VPS35L: variants seen among roughly 807,000 people sequenced by gnomAD.
VPS35L encodes the protein VPS35 endosomal protein sorting factor like, also known as VPS35 endosomal protein-sorting factor-like.
Under a neutral mutation model 133.0 loss-of-function variants are expected in VPS35L, and 83 were observed. That is an observed-to-expected ratio of 0.62 (90% confidence interval 0.52 to 0.75). The LOEUF (loss-of-function observed/expected upper bound fraction) is 0.75, where lower values mean the gene tolerates loss of function less well. VPS35L is among the 30% of genes least tolerant of loss of function. VPS35L has a pLI of 0.00. For synonymous variants in VPS35L, 423 were observed against 449.9 expected (o/e 0.94, Z 0.76); for missense variants, 1,083 against 1,206.8 (o/e 0.90, Z 1.52).
At chr16:19,654,888 A>G (rs541921104) in intron 26 of VPS35L, among the ~76,000 whole-genome samples, 1 of 152,312 alleles carries the variant, frequency 6.6e-6, no homozygotes, top group South Asian at 2.1e-4. Flanking sequence ...ATGGATCTGA[A>G]TGTTGTGGAT....
intron 15 of VPS35L, 81 bp from the exon 16 acceptor site, chr16:19,627,613 T>G (rs1260178937): frequency 1.4e-5 from 16 of 1,132,462 alleles, no homozygotes; most frequent in Non-Finnish European, 2.0e-5. Context: ...TTAGTCTTCC[T>G]TCCTGGCAAT....
chr16:19,659,257 C>A (rs902342141), intron 26 of VPS35L, among the ~76,000 whole-genome samples: 1 of 152,158 alleles, frequency 6.6e-6, no homozygotes, highest in African/African-American at 2.4e-5. Flanking sequence ...GGTATGTCAT[C>A]CTGTAGTATC....
intron 5 of VPS35L, among the ~76,000 whole-genome samples, chr16:19,575,993 TAA>T (rs768432545): frequency 7.2e-5 from 6 of 82,924 alleles, no homozygotes; most frequent in Non-Finnish European, 9.6e-5. Context: ...CCATCTCTAC[TAA>T]AAAAAAAAAA....
intron 8 of VPS35L, among the ~76,000 whole-genome samples, chr16:19,592,689 A>AT (rs770439941): frequency 0.025 from 3,471 of 138,264 alleles, 108 homozygotes; most frequent in African/African-American, 0.07. Context: ...CACTGTTAAA[A>AT]TTTTTTTTTT....
intron 9 of VPS35L, among the ~76,000 whole-genome samples, chr16:19,606,101 C>T (rs1051618960): frequency 1.3e-5 from 2 of 152,194 alleles, no homozygotes; most frequent in Admixed American, 1.3e-4. Context: ...TGCAGATTGT[C>T]GTATAGCTTG....
At chr16:19,686,085 TTTC>T (rs1298963573) in intron 28 of VPS35L, among the ~76,000 whole-genome samples, 5 of 152,162 alleles carry the variant, frequency 3.3e-5, no homozygotes, top group African/African-American at 9.7e-5. Context: ...GGATTTTCTT[TTTC>T]TTCTTCTTAG....
intron 3 of VPS35L, among the ~76,000 whole-genome samples, chr16:19,571,093 G>A (rs1296632355): frequency 2.0e-5 from 3 of 151,234 alleles, no homozygotes; most frequent in Non-Finnish European, 2.9e-5. Flanking sequence ...GGCTGGTCTC[G>A]AACGCCTGAC....
rs1972392548 is a variant in VPS35L, at chr16:19,601,786, T to C, written c.784+63T>C. On this transcript the variant is annotated intron_variant, in intron 9 of 30. Transcript: ENST00000417362. ...TGGAGTCAGGACTAGAAGGCTTTTA[T>C]TGAGTCAGGATTCATTGAAGCTTGA... 4 of 1,529,808 alleles carry C rather than the reference T, an allele frequency of 2.6e-6. No homozygotes were observed. In the South Asian group the frequency reaches 4.6e-5, roughly 18 times the overall value. 94.8% of individuals were successfully genotyped at this position (1,529,808 alleles called of 1,614,324 possible).
At chr16:19,588,052 G>A (rs1479318733) in intron 7 of VPS35L, among the ~76,000 whole-genome samples, 1 of 151,296 alleles carries the variant, frequency 6.6e-6, no homozygotes, top group East Asian at 2.0e-4. Flanking sequence ...CACCCACCTC[G>A]GCCTCCCAAA....
intron 14 of VPS35L, chr16:19,617,976 T>A (rs1161219565): frequency 6.6e-6 from 1 of 151,362 alleles, no homozygotes; most frequent in African/African-American, 2.4e-5. Flanking sequence ...TAGTCCCAGC[T>A]ACTCAGGAGG....
chr16:19,677,663 G>T (rs1265443760), intron 27 of VPS35L, among the ~76,000 whole-genome samples: 3 of 152,190 alleles, frequency 2.0e-5, no homozygotes, highest in Non-Finnish European at 4.4e-5. Context: ...GGGGATGCCC[G>T]AGCTGCTGGT....
chr16:19,669,482 A>G (rs1477780718), intron 27 of VPS35L, among the ~76,000 whole-genome samples, 183 bp downstream of exon 27: 1 of 152,014 alleles, frequency 6.6e-6, no homozygotes, highest in Non-Finnish European at 1.5e-5. Context: ...TCATACTATA[A>G]TAGTAGAGGT....
At chr16:19,675,848 T>A (rs186707276) in intron 27 of VPS35L, among the ~76,000 whole-genome samples, 77 of 151,916 alleles carry the variant, frequency 5.1e-4, no homozygotes, top group African/African-American at 1.8e-3. Flanking sequence ...CTGCACCCGG[T>A]CCCCATACTG....
At chr16:19,566,289 A>G (rs1463266954) in intron 2 of VPS35L, among the ~76,000 whole-genome samples, 1 of 152,182 alleles carries the variant, frequency 6.6e-6, no homozygotes, top group Non-Finnish European at 1.5e-5. Flanking sequence ...TGAGGTCAGG[A>G]GTTCGACACC....
At chr16:19,658,265 C>T (rs540699332) in intron 26 of VPS35L, among the ~76,000 whole-genome samples, 2 of 152,290 alleles carry the variant, frequency 1.3e-5, no homozygotes, top group Admixed American at 6.5e-5. Flanking sequence ...CGCGGTGGCT[C>T]AGACCTGTAA....
chr16:19,634,417 CAAAA>C (rs57823383), intron 19 of VPS35L, among the ~76,000 whole-genome samples: 2 of 104,788 alleles, frequency 1.9e-5, no homozygotes, highest in Non-Finnish European at 4.1e-5. Context: ...GACACGGTCT[CAAAA>C]AAAAAAAAAA....
intron 9 of VPS35L, among the ~76,000 whole-genome samples, chr16:19,607,099 A>T (rs1247651991): frequency 6.6e-6 from 1 of 152,174 alleles, no homozygotes; most frequent in South Asian, 2.1e-4. Flanking sequence ...TCATTTCTCC[A>T]TATTCTCTTC....
intron 24 of VPS35L, among the ~76,000 whole-genome samples, chr16:19,649,856 A>G (rs1423217612): frequency 1.3e-5 from 2 of 152,260 alleles, no homozygotes; most frequent in Admixed American, 1.3e-4. Flanking sequence ...AGGTAATAGT[A>G]TCCACCCTGG....
chr16:19,565,109 A>G (rs1311458997), intron 2 of VPS35L, among the ~76,000 whole-genome samples, 159 bp downstream of exon 2: 1 of 150,184 alleles, frequency 6.7e-6, no homozygotes, highest in Non-Finnish European at 1.5e-5. Context: ...GCTGGAGTGC[A>G]GTGGTGGCTC....
Sources: allele counts gnomAD v4.1 joint callset (sites outside exome capture counted in the v4.1 genomes callset), GRCh38; gene constraint gnomAD v4.1.1; transcripts MANE v1.5; gene names NCBI Gene and HGNC (gene_info 2026-07-23, HGNC 2026-07-21).